The following CNTN4 variants were observed in gnomAD, a reference collection of about 807,000 sequenced individuals.
The protein encoded by CNTN4 is contactin 4, also known as contactin-4.
In CNTN4, 77 loss-of-function variants were observed where a neutral mutation model predicts 122.5. That is an observed-to-expected ratio of 0.63 (90% confidence interval 0.52 to 0.76). The LOEUF (loss-of-function observed/expected upper bound fraction) is 0.76, where lower values mean the gene tolerates loss of function less well. Among genes scored for constraint, CNTN4 ranks in the 30% least tolerant of loss-of-function variants. CNTN4 has a pLI of 0.00. For synonymous variants in CNTN4, 512 were observed against 447.0 expected (o/e 1.15, Z -1.83); for missense variants, 1,256 against 1,259.1 (o/e 1.00, Z 0.04).
intron 8 of CNTN4, among the ~76,000 whole-genome samples, chr3:2,867,432 T>G (rs1412350514): frequency 6.6e-6 from 1 of 152,328 alleles, no homozygotes; most frequent in African/African-American, 2.4e-5. Context: ...TTCCCCACAC[T>G]ATTAGAATAT....
intron 4 of CNTN4, among the ~76,000 whole-genome samples, chr3:2,666,586 C>CTTTTTTTAT (rs150328147): frequency 6.6e-6 from 1 of 151,474 alleles, no homozygotes; most frequent in South Asian, 2.1e-4. Context: ...ATAAAATGTT[C>CTTTTTTTAT]TTTTTTTATT....
At chr3:2,338,481 T>C (rs1008346597) in intron 2 of CNTN4, among the ~76,000 whole-genome samples, 2 of 152,076 alleles carry the variant, frequency 1.3e-5, no homozygotes, top group South Asian at 4.1e-4. Context: ...TTATTAAAAC[T>C]ATAAGACAGT....
intron 4 of CNTN4, among the ~76,000 whole-genome samples, chr3:2,697,753 G>A (rs2086124276): frequency 6.6e-6 from 1 of 152,164 alleles, no homozygotes; most frequent in African/African-American, 2.4e-5. Context: ...ACTGGCTCAT[G>A]CAGTTGTGAG....
chr3:2,712,329 A>G (rs192649231), intron 4 of CNTN4, among the ~76,000 whole-genome samples: 1 of 152,308 alleles, frequency 6.6e-6, no homozygotes, highest in East Asian at 1.9e-4. Context: ...ACGAAAATAA[A>G]TTATTACTTG....
intron 2 of CNTN4, among the ~76,000 whole-genome samples, chr3:2,323,228 C>A (rs2043331690): frequency 6.6e-6 from 1 of 152,072 alleles, no homozygotes; most frequent in Non-Finnish European, 1.5e-5. Context: ...TATAGGAAAG[C>A]CGGCTGAGCT....
intron 3 of CNTN4, among the ~76,000 whole-genome samples, chr3:2,549,813 T>C (rs2078409131): frequency 1.3e-5 from 2 of 152,178 alleles, no homozygotes; most frequent in South Asian, 4.1e-4. Context: ...AATTCAGCTG[T>C]GAATCCATCT....
At chr3:2,473,392 T>C (rs905101094) in intron 3 of CNTN4, among the ~76,000 whole-genome samples, 1 of 152,160 alleles carries the variant, frequency 6.6e-6, no homozygotes, top group African/African-American at 2.4e-5. Flanking sequence ...CCATACCTTT[T>C]ATACTAGCCA....
intron 4 of CNTN4, among the ~76,000 whole-genome samples, chr3:2,603,959 G>A (rs1202585230): frequency 6.6e-6 from 1 of 152,194 alleles, no homozygotes; most frequent in Non-Finnish European, 1.5e-5. Flanking sequence ...TCTGCCCACG[G>A]GTCATTCAGA....
chr3:2,376,020 C>T (rs981343915), intron 3 of CNTN4, among the ~76,000 whole-genome samples: 2 of 151,918 alleles, frequency 1.3e-5, no homozygotes, highest in Admixed American at 1.3e-4. Flanking sequence ...GAAGCATAGA[C>T]GGGTGCCCTA....
intron 14 of CNTN4, among the ~76,000 whole-genome samples, chr3:3,018,363 A>G (rs67549299): frequency 0.18 from 26,841 of 152,156 alleles, 3,300 homozygotes; most frequent in African/African-American, 0.35. Flanking sequence ...TAGAATTAGT[A>G]TTCGCCATCT....
intron 3 of CNTN4, among the ~76,000 whole-genome samples, chr3:2,358,227 T>A (rs886151899): frequency 2.6e-5 from 4 of 152,210 alleles, no homozygotes; most frequent in African/African-American, 9.6e-5. Flanking sequence ...GAGGAATGTT[T>A]TGGTAGTTTC....
chr3:2,735,006 C>T (rs558634300), intron 4 of CNTN4, among the ~76,000 whole-genome samples: 60 of 152,162 alleles, frequency 3.9e-4, no homozygotes, highest in African/African-American at 1.4e-3. Flanking sequence ...CAAAGTAAAG[C>T]AGATTCTTAT....
At chr3:2,764,007 G>A (rs1480317417) in intron 6 of CNTN4, among the ~76,000 whole-genome samples, 1 of 151,580 alleles carries the variant, frequency 6.6e-6, no homozygotes, top group African/African-American at 2.4e-5. Context: ...TAGTATTTTA[G>A]ATGTTTAAGG....
intron 13 of CNTN4, among the ~76,000 whole-genome samples, chr3:2,950,620 C>T (rs2094730314): frequency 6.6e-6 from 1 of 152,190 alleles, no homozygotes; most frequent in African/African-American, 2.4e-5. Flanking sequence ...CTTGCATAAG[C>T]TGAGAAAGAA....
intron 4 of CNTN4, among the ~76,000 whole-genome samples, chr3:2,684,861 T>C (rs1331912452): frequency 6.6e-6 from 1 of 152,056 alleles, no homozygotes; most frequent in Non-Finnish European, 1.5e-5. Context: ...GAATCGGGAG[T>C]GCTCAAGCAA....
intron 4 of CNTN4, among the ~76,000 whole-genome samples, chr3:2,666,948 C>T (rs1288309763): frequency 6.6e-6 from 1 of 152,018 alleles, no homozygotes; most frequent in Non-Finnish European, 1.5e-5. Flanking sequence ...GCGTAGTATT[C>T]CATGGTGTAT....
intron 8 of CNTN4, among the ~76,000 whole-genome samples, chr3:2,871,329 A>G (rs149171394): frequency 0.011 from 1,710 of 152,322 alleles, 13 homozygotes; most frequent in Non-Finnish European, 0.02. Flanking sequence ...TGCTCAACAA[A>G]TTATATTTTT....
intron 2 of CNTN4, among the ~76,000 whole-genome samples, chr3:2,203,302 C>A (rs1253254549): frequency 6.6e-6 from 1 of 152,096 alleles, no homozygotes; most frequent in African/African-American, 2.4e-5. Flanking sequence ...TCACTACCTA[C>A]CATTTCACTG....
chr3:2,103,077 A>G (rs2032122664), intron 2 of CNTN4, among the ~76,000 whole-genome samples: 2 of 152,284 alleles, frequency 1.3e-5, no homozygotes, highest in Admixed American at 6.5e-5. Flanking sequence ...CAGATGAGGA[A>G]AACTAGGCAT....
Sources: gnomAD v4.1 joint callset for allele counts (sites outside exome capture counted in the v4.1 genomes callset) on GRCh38, gnomAD v4.1.1 for gene constraint, MANE v1.5 for transcripts, NCBI Gene and HGNC (gene_info 2026-07-23, HGNC 2026-07-21) for gene names.